Variants in DHRSX observed in about 807,000 individuals in gnomAD.
The protein encoded by DHRSX is dehydrogenase/reductase X-linked.
In DHRSX, 31 loss-of-function variants were observed where a neutral mutation model predicts 34.0. That is an observed-to-expected ratio of 0.91 (90% CI 0.69 to 1.23). The LOEUF (loss-of-function observed/expected upper bound fraction) is 1.23, where lower values mean the gene tolerates loss of function less well. Ranked by LOEUF, DHRSX falls within the 50% of genes most tolerant of loss-of-function variation. The pLI is 0.00. For missense variants in DHRSX, 414 were observed against 428.1 expected, an observed-to-expected ratio of 0.97 and a Z score of 0.29; for synonymous variants, 201 against 183.8, an observed-to-expected ratio of 1.09 and a Z score of -0.76.
At chrX:2,458,379 C>T (rs1282328544) in intron 1 of DHRSX, among the ~76,000 whole-genome samples, 1 of 152,168 alleles carries the variant, frequency 6.6e-6, no homozygotes, top group Non-Finnish European at 1.5e-5. Context: ...GGCATACCTG[C>T]ACCCCCTGTG....
chrX:2,257,250 G>A (rs1175580123), intron 5 of DHRSX, among the ~76,000 whole-genome samples: 4 of 152,176 alleles, frequency 2.6e-5, no homozygotes, highest in Non-Finnish European at 5.9e-5. Context: ...CACCATGCCC[G>A]GCCCACTCAC....
At chrX:2,437,870 C>T (rs1406723010) in intron 1 of DHRSX, among the ~76,000 whole-genome samples, 1 of 152,002 alleles carries the variant, frequency 6.6e-6, no homozygotes, top group Non-Finnish European at 1.5e-5. Context: ...TGTCACTCAA[C>T]CACCATAATT....
chrX:2,481,615 G>C (rs963576483), intron 1 of DHRSX, among the ~76,000 whole-genome samples: 1 of 151,954 alleles, frequency 6.6e-6, no homozygotes, highest in Non-Finnish European at 1.5e-5. Flanking sequence ...TCTGTGAGCC[G>C]AGATCGTGCC....
At chrX:2,321,433 C>T (rs774950338) in intron 3 of DHRSX, among the ~76,000 whole-genome samples, 39 of 152,142 alleles carry the variant, frequency 2.6e-4, no homozygotes, top group African/African-American at 8.9e-4. Flanking sequence ...GTGTGGAAAC[C>T]CTAATGCCAA....
At chrX:2,330,521 G>GA (rs201209848) in intron 3 of DHRSX, among the ~76,000 whole-genome samples, 31,231 of 87,222 alleles carry the variant, frequency 0.36, 4,474 homozygotes, top group African/African-American at 0.49. Context: ...CTCCGTGAAA[G>GA]AAAAAAAAAA....
chrX:2,365,320 A>G, intron 3 of DHRSX, among the ~76,000 whole-genome samples: 1 of 152,140 alleles, frequency 6.6e-6, no homozygotes, highest in Non-Finnish European at 1.5e-5. Context: ...TTGTATTTTT[A>G]GTAGAGGCAG....
chrX:2,267,528 A>C (rs2041491265), intron 4 of DHRSX, among the ~76,000 whole-genome samples: 1 of 145,592 alleles, frequency 6.9e-6, no homozygotes, highest in South Asian at 2.2e-4. Flanking sequence ...CTGGTGACAG[A>C]GCGAGACTCC....
intron 2 of DHRSX, among the ~76,000 whole-genome samples, chrX:2,418,923 C>G (rs116046273): frequency 2.1e-4 from 32 of 151,788 alleles, no homozygotes; most frequent in African/African-American, 7.0e-4. Context: ...ATCTCAGAAC[C>G]CCCCCTGCCC....
intron 3 of DHRSX, among the ~76,000 whole-genome samples, chrX:2,298,402 A>AC (rs1406504346): frequency 2.6e-5 from 4 of 151,394 alleles, no homozygotes; most frequent in African/African-American, 9.7e-5. Flanking sequence ...GTTAAAAAAA[A>AC]AAAAAACAAT....
At chrX:2,457,034 C>G (rs1175612550) in intron 1 of DHRSX, among the ~76,000 whole-genome samples, 1 of 152,108 alleles carries the variant, frequency 6.6e-6, no homozygotes, top group East Asian at 1.9e-4. Context: ...GGCTGTGTCT[C>G]TCACTGTGCC....
chrX:2,381,975 T>C (rs2043209090), intron 3 of DHRSX, among the ~76,000 whole-genome samples: 1 of 152,122 alleles, frequency 6.6e-6, no homozygotes, highest in African/African-American at 2.4e-5. Context: ...CATGGCTTCG[T>C]AGGAGAGTCT....
At chrX:2,449,964 G>A (rs1052834874) in intron 1 of DHRSX, among the ~76,000 whole-genome samples, 1 of 152,028 alleles carries the variant, frequency 6.6e-6, no homozygotes, top group Non-Finnish European at 1.5e-5. Context: ...ATTCTGAGAA[G>A]ACACAAATGC....
At chrX:2,399,309 T>G (rs1237034506) in intron 3 of DHRSX, among the ~76,000 whole-genome samples, 5 of 151,662 alleles carry the variant, frequency 3.3e-5, no homozygotes, top group Non-Finnish European at 7.4e-5. Context: ...CGCATATGCC[T>G]GTCTACAGCC....
At chrX:2,386,861 G>A (rs1368452489) in intron 3 of DHRSX, among the ~76,000 whole-genome samples, 8 of 148,928 alleles carry the variant, frequency 5.4e-5, no homozygotes, top group Admixed American at 2.7e-4. Flanking sequence ...TTTTCTTAAG[G>A]AAACTACTAT....
intron 3 of DHRSX, among the ~76,000 whole-genome samples, chrX:2,367,146 CAG>C (rs1443039684): frequency 1.3e-5 from 2 of 151,978 alleles, no homozygotes; most frequent in African/African-American, 4.8e-5. Flanking sequence ...TCAGCAAATA[CAG>C]AGAGATGCTA....
chrX:2,420,536 A>C (rs1163506872), intron 2 of DHRSX, among the ~76,000 whole-genome samples: 3 of 151,922 alleles, frequency 2.0e-5, no homozygotes, highest in African/African-American at 7.3e-5. Context: ...CAAGGTCAAG[A>C]GATCGAGACC....
At chrX:2,428,643 A>G (rs2043879308) in intron 1 of DHRSX, among the ~76,000 whole-genome samples, 1 of 152,180 alleles carries the variant, frequency 6.6e-6, no homozygotes, top group African/African-American at 2.4e-5. Context: ...TAGGGGAGGG[A>G]GAGCATTAGG....
chrX:2,306,551 C>T (rs990127021), intron 3 of DHRSX, among the ~76,000 whole-genome samples: 4 of 151,764 alleles, frequency 2.6e-5, no homozygotes, highest in South Asian at 4.2e-4. Flanking sequence ...AACCTCCACC[C>T]GCCAGGTTCA....
intron 1 of DHRSX, among the ~76,000 whole-genome samples, chrX:2,452,046 C>T (rs2044227107): frequency 6.6e-6 from 1 of 151,812 alleles, no homozygotes; most frequent in African/African-American, 2.4e-5. Context: ...GCCATATACA[C>T]ACTGAAGATG....
Sources: allele counts gnomAD v4.1 joint callset (sites outside exome capture counted in the v4.1 genomes callset), GRCh38; gene constraint gnomAD v4.1.1; transcripts MANE v1.5; gene names NCBI Gene and HGNC (gene_info 2026-07-23, HGNC 2026-07-21).